Variants in ENOX1 observed in about 807,000 individuals in gnomAD.
ENOX1 encodes the protein ecto-NOX disulfide-thiol exchanger 1.
In ENOX1, 42 loss-of-function variants were observed where a neutral mutation model predicts 82.5. The observed-to-expected ratio is 0.51, with a 90% CI of 0.40 to 0.66. The LOEUF (loss-of-function observed/expected upper bound fraction) is 0.66. Ranked by LOEUF, ENOX1 falls within the 30% of genes least tolerant of loss-of-function variation. ENOX1 has a pLI of 0.00. For synonymous variants in ENOX1, 271 were observed against 282.2 expected (o/e 0.96, Z 0.40); for missense variants, 608 against 811.6 (o/e 0.75, Z 3.05).
At chr13:43,360,124 A>C in intron 6 of ENOX1, 67 bp from the exon 7 acceptor site, 2 of 1,444,964 alleles carry the variant, frequency 1.4e-6, no homozygotes, top group Non-Finnish European at 1.9e-6. Flanking sequence ...TCTCCTGGCA[A>C]AACTAAAGCT....
chr13:43,613,687 T>C lies in ENOX1; in HGVS notation c.-219+53792A>G, dbSNP rs112860994. Among the ~76,000 whole-genome samples the C allele has an allele frequency of 1.5e-3, 234 of 152,310 alleles. 1 individual carries two copies. Among genetic ancestry groups the C allele is most frequent in the African/African-American group, 5.5e-3 (228 of 41,574 alleles). ...AATCCAAAAGAAATGGATTAATTCC[T>C]AGAAACATACAACCTACCAAGACTG... On this transcript the variant is annotated intron_variant, in intron 2 of 16. Transcript: ENST00000690772.
At chr13:43,524,333 C>T (rs542570205) in intron 2 of ENOX1, among the ~76,000 whole-genome samples, 16 of 152,272 alleles carry the variant, frequency 1.1e-4, no homozygotes, top group African/African-American at 3.6e-4. Flanking sequence ...TCCTGCTCCA[C>T]ACCTCACACA....
chr13:43,473,725 G>C (rs1401219347), intron 3 of ENOX1, among the ~76,000 whole-genome samples: 1 of 152,148 alleles, frequency 6.6e-6, no homozygotes, highest in East Asian at 1.9e-4. Flanking sequence ...AAGCTGGTTG[G>C]CAATCTCCCT....
chr13:43,279,172 T>C (rs1034329953), intron 12 of ENOX1, among the ~76,000 whole-genome samples: 1 of 152,358 alleles, frequency 6.6e-6, no homozygotes, highest in Non-Finnish European at 1.5e-5. Flanking sequence ...GAAAGACAGA[T>C]GCTTCGTGGC....
intron 2 of ENOX1, among the ~76,000 whole-genome samples, chr13:43,658,441 A>G (rs1594293761): frequency 6.6e-6 from 1 of 152,200 alleles, no homozygotes; most frequent in African/African-American, 2.4e-5. Flanking sequence ...TCCTCTCAGA[A>G]TAATTCTGGT....
intron 9 of ENOX1, among the ~76,000 whole-genome samples, chr13:43,329,676 T>C (rs2048316017): frequency 6.6e-6 from 1 of 152,200 alleles, no homozygotes; most frequent in Non-Finnish European, 1.5e-5. Context: ...TGGGATTTAA[T>C]TTTATACTTA....
At chr13:43,661,914 T>C (rs2084750529) in intron 2 of ENOX1, among the ~76,000 whole-genome samples, 1 of 152,250 alleles carries the variant, frequency 6.6e-6, no homozygotes, top group African/African-American at 2.4e-5. Flanking sequence ...TGTCTCATTA[T>C]CTTAGAAGCC....
At chr13:43,589,161 T>C (rs1344149770) in intron 2 of ENOX1, among the ~76,000 whole-genome samples, 1 of 146,164 alleles carries the variant, frequency 6.8e-6, no homozygotes, top group African/African-American at 2.5e-5. Context: ...AAGTTGGGCC[T>C]TCCATGCAGG....
chr13:43,366,829 T>G (rs1421288088), intron 5 of ENOX1, among the ~76,000 whole-genome samples: 2 of 152,230 alleles, frequency 1.3e-5, no homozygotes, highest in Non-Finnish European at 2.9e-5. Flanking sequence ...CCTTTTAATG[T>G]TCTTGTGAGG....
intron 5 of ENOX1, among the ~76,000 whole-genome samples, chr13:43,395,708 T>C (rs74960898): frequency 1.1e-3 from 170 of 152,304 alleles, no homozygotes; most frequent in African/African-American, 3.9e-3. Context: ...TTCATTCTCA[T>C]GAATGTGATC....
At chr13:43,580,321 G>T (rs909235557) in intron 2 of ENOX1, among the ~76,000 whole-genome samples, 4 of 152,162 alleles carry the variant, frequency 2.6e-5, no homozygotes, top group African/African-American at 9.7e-5. Flanking sequence ...GCCATTTGGG[G>T]TTTTTTTGTA....
chr13:43,454,910 C>G (rs915592284), intron 3 of ENOX1, among the ~76,000 whole-genome samples: 2 of 151,844 alleles, frequency 1.3e-5, no homozygotes, highest in Non-Finnish European at 2.9e-5. Context: ...CCTGGAGGAG[C>G]CTCCCGTCCA....
chr13:43,509,853 A>T (rs2077299948), intron 2 of ENOX1, among the ~76,000 whole-genome samples: 1 of 151,852 alleles, frequency 6.6e-6, no homozygotes, highest in Non-Finnish European at 1.5e-5. Flanking sequence ...GAAAAAAAAA[A>T]TGTCTCCCCA....
At chr13:43,558,933 A>G (rs2079553983) in intron 2 of ENOX1, among the ~76,000 whole-genome samples, 1 of 152,224 alleles carries the variant, frequency 6.6e-6, no homozygotes, top group Non-Finnish European at 1.5e-5. Context: ...CATCCTGTTA[A>G]TGAGGACAAA....
chr13:43,230,975 CTG>C (rs1409761944), intron 15 of ENOX1, among the ~76,000 whole-genome samples: 1 of 152,216 alleles, frequency 6.6e-6, no homozygotes, highest in Non-Finnish European at 1.5e-5. Context: ...TCCAAACTCT[CTG>C]TGTCAGGTTC....
At chr13:43,605,069 A>T (rs533164439) in intron 2 of ENOX1, among the ~76,000 whole-genome samples, 1 of 152,308 alleles carries the variant, frequency 6.6e-6, no homozygotes, top group East Asian at 1.9e-4. Flanking sequence ...AATGTGAAAG[A>T]TATCTACAAT....
At chr13:43,450,645 G>A (rs539592216) in intron 3 of ENOX1, among the ~76,000 whole-genome samples, 3 of 152,200 alleles carry the variant, frequency 2.0e-5, no homozygotes, top group East Asian at 3.9e-4. Context: ...GTATAGGGAC[G>A]GTTCCTAGTT....
intron 5 of ENOX1, among the ~76,000 whole-genome samples, chr13:43,392,276 C>T (rs1384834811): frequency 2.0e-5 from 3 of 152,206 alleles, no homozygotes; most frequent in African/African-American, 7.2e-5. Flanking sequence ...CCTGTCTCCA[C>T]AATCAGAATA....
intron 2 of ENOX1, among the ~76,000 whole-genome samples, chr13:43,554,909 T>C (rs1035658665): frequency 6.6e-6 from 1 of 152,182 alleles, no homozygotes; most frequent in African/African-American, 2.4e-5. Context: ...CCTAGCCCAA[T>C]ATTCTCTTAA....
Sources: gnomAD v4.1 joint callset for allele counts (sites outside exome capture counted in the v4.1 genomes callset) on GRCh38, gnomAD v4.1.1 for gene constraint, MANE v1.5 for transcripts, NCBI Gene and HGNC (gene_info 2026-07-23, HGNC 2026-07-21) for gene names.